PRKACB: variants seen among roughly 807,000 people sequenced by gnomAD.
PRKACB encodes the protein cAMP-dependent protein kinase catalytic subunit beta.
A neutral mutation model predicts 51.4 loss-of-function variants in PRKACB; 16 were observed. The ratio of observed to expected loss-of-function variants is 0.31; its 90% confidence interval spans 0.21 to 0.47. PRKACB has a LOEUF of 0.47. Ranked by LOEUF, PRKACB falls within the 20% of genes least tolerant of loss-of-function variation. PRKACB has a pLI of 1.00. For synonymous variants in PRKACB, 147 were observed against 154.4 expected (o/e 0.95, Z 0.35); for missense variants, 309 against 464.5 (o/e 0.67, Z 3.08).
At chr1:84,111,447 G>C (rs1262233830) in intron 1 of PRKACB, among the ~76,000 whole-genome samples, 1 of 151,924 alleles carries the variant, frequency 6.6e-6, no homozygotes, top group Non-Finnish European at 1.5e-5. Flanking sequence ...TCTCTTTTCT[G>C]CTTAAGATAA....
At chr1:84,225,075 T>C (rs1446962639) in intron 9 of PRKACB, among the ~76,000 whole-genome samples, 2 of 152,114 alleles carry the variant, frequency 1.3e-5, no homozygotes, top group Non-Finnish European at 2.9e-5. Context: ...GCTAGGGCAC[T>C]AGGAGGGGTG....
At position 84,191,390 on chromosome 1, in the gene PRKACB, C is replaced by G. The variant is rs190672760; in HGVS notation, c.561-5226C>G. The stretch of plus-strand genomic sequence containing the variant: ...ATTGTAAGGTATAAGCTGAGAGGTC[C>G]CCTGCTGATGCACCTGATGGAATTC... On this transcript the variant is annotated intron_variant, in intron 5 of 9. Coordinates refer to ENST00000370685, the MANE Select transcript of PRKACB (RefSeq NM_182948.4). 6.6e-5 allele frequency among the ~76,000 whole-genome samples: 10 copies of G among 152,044 alleles called. No homozygotes were observed. In the East Asian group the frequency reaches 1.9e-3, roughly 29 times the overall value.
chr1:84,111,885 C>T (rs921287219), intron 1 of PRKACB, among the ~76,000 whole-genome samples: 1 of 152,064 alleles, frequency 6.6e-6, no homozygotes, highest in African/African-American at 2.4e-5. Context: ...GGTGTGGCAA[C>T]TATTGTTTAC....
In PRKACB at chr1:84,082,823, G is replaced by A. The variant is rs1054082361; in HGVS notation, c.46+4452G>A. On this transcript the variant is annotated intron_variant, in intron 1 of 8. Transcript: ENST00000370688. ...GACAACACAGGTTTAGAACATAGTT[G>A]TTTTTGCATTTAATAGAAATGCCAA... is the stretch of plus-strand genomic sequence containing the variant. Among the ~76,000 whole-genome samples, 4 of 152,260 alleles carry A rather than the reference G, an allele frequency of 2.6e-5. 1 individual carries two copies. The South Asian group carries it at 8.3e-4, about 32-fold the overall frequency.
intron 8 of PRKACB, chr1:84,205,392 A>T: frequency 2.2e-6 from 1 of 460,936 alleles, no homozygotes; most frequent in Non-Finnish European, 2.9e-6. Context: ...CTAGTTTTTT[A>T]AATTTTTTAA....
chr1:84,235,084 G>T (rs571011762), intron 9 of PRKACB, 96 bp from the exon 10 acceptor site: 1 of 1,326,384 alleles, frequency 7.5e-7, no homozygotes, highest in African/African-American at 1.5e-5. Context: ...GGATTTCACC[G>T]TGTAATAACA....
chr1:84,088,250 T>C (rs1327136173), intron 1 of PRKACB, among the ~76,000 whole-genome samples: 1 of 152,134 alleles, frequency 6.6e-6, no homozygotes, highest in African/African-American at 2.4e-5. Context: ...CACTGTTGTC[T>C]TCTATTCATA....
intron 9 of PRKACB, among the ~76,000 whole-genome samples, chr1:84,217,812 C>T (rs1362069776): frequency 6.6e-6 from 1 of 152,002 alleles, no homozygotes. Context: ...GAAAAAAACC[C>T]TACTCCACAA....
intron 8 of PRKACB, chr1:84,205,244 G>T: frequency 1.0e-6 from 1 of 984,674 alleles, no homozygotes; most frequent in Non-Finnish European, 1.2e-6. Flanking sequence ...TGTATTATGT[G>T]AAGTTAGATT....
At chr1:84,079,486 GTCAT>G (rs1647351591) in intron 1 of PRKACB, among the ~76,000 whole-genome samples, 1 of 152,068 alleles carries the variant, frequency 6.6e-6, no homozygotes, top group Admixed American at 6.5e-5. Flanking sequence ...GAAGGATTTA[GTCAT>G]TCATTTTGTT....
intron 1 of PRKACB, among the ~76,000 whole-genome samples, chr1:84,128,538 G>GA (rs1651859608): frequency 1.3e-5 from 2 of 152,034 alleles, no homozygotes; most frequent in South Asian, 2.1e-4. Context: ...AAAACGATTT[G>GA]AAAAAATATG....
intron 1 of PRKACB, among the ~76,000 whole-genome samples, chr1:84,102,529 A>G (rs190058135): frequency 6.6e-4 from 101 of 152,352 alleles, no homozygotes; most frequent in African/African-American, 2.3e-3. Context: ...AGGTAGAGAA[A>G]GCCCTCTCCA....
intron 1 of PRKACB, among the ~76,000 whole-genome samples, chr1:84,138,513 GT>G (rs1337555094): frequency 6.6e-6 from 1 of 152,050 alleles, no homozygotes; most frequent in African/African-American, 2.4e-5. Context: ...TGAAGACATT[GT>G]ATTAGTATTT....
intron 9 of PRKACB, among the ~76,000 whole-genome samples, chr1:84,231,404 T>G (rs1024556705): frequency 6.6e-6 from 1 of 152,142 alleles, no homozygotes; most frequent in African/African-American, 2.4e-5. Context: ...TGTCTCTGCC[T>G]GGCTTTGGTA....
At chr1:84,147,419 T>C (rs1216826794) in intron 1 of PRKACB, among the ~76,000 whole-genome samples, 1 of 152,050 alleles carries the variant, frequency 6.6e-6, no homozygotes, top group Non-Finnish European at 1.5e-5. Context: ...TAAAAGACTT[T>C]CCACCTTTGT....
At chr1:84,107,602 A>G (rs1030540154) in intron 1 of PRKACB, among the ~76,000 whole-genome samples, 2 of 152,178 alleles carry the variant, frequency 1.3e-5, no homozygotes, top group African/African-American at 4.8e-5. Flanking sequence ...GTCTGGGTCT[A>G]ATATCCAGAA....
chr1:84,202,163 G>A (rs975780427), intron 7 of PRKACB, among the ~76,000 whole-genome samples: 2 of 151,988 alleles, frequency 1.3e-5, no homozygotes, highest in Admixed American at 6.6e-5. Context: ...TGAAGCAGAT[G>A]GGATTATCCC....
chr1:84,078,815 G>T (rs1571490296), intron 1 of PRKACB, among the ~76,000 whole-genome samples: 1 of 152,304 alleles, frequency 6.6e-6, no homozygotes, highest in East Asian at 1.9e-4. Context: ...ATCACAAGGC[G>T]GGGGCTGCTA....
chr1:84,219,152 A>C (rs1177046037), intron 9 of PRKACB, among the ~76,000 whole-genome samples: 2 of 151,740 alleles, frequency 1.3e-5, no homozygotes, highest in Non-Finnish European at 2.9e-5. Flanking sequence ...AATATAGCCC[A>C]ATGTGCCTAT....
Sources: allele counts gnomAD v4.1 joint callset (sites outside exome capture counted in the v4.1 genomes callset), GRCh38; gene constraint gnomAD v4.1.1; transcripts MANE v1.5; gene names NCBI Gene and HGNC (gene_info 2026-07-23, HGNC 2026-07-21).